Variants in SLC28A3 observed in about 807,000 individuals in gnomAD.
SLC28A3 encodes concentrative Na(+)-nucleoside cotransporter 3.
Under a neutral mutation model 84.2 loss-of-function variants are expected in SLC28A3, and 68 were observed. The observed-to-expected ratio is 0.81, with a 90% CI of 0.66 to 0.99. SLC28A3 has a LOEUF of 0.99. Ranked by LOEUF, SLC28A3 falls within the 50% of genes least tolerant of loss-of-function variation. The probability of loss-of-function intolerance (pLI) is 0.00; values close to 1 mark genes in which losing one functional copy is unlikely to be tolerated. For missense variants in SLC28A3, 712 were observed against 841.5 expected (o/e 0.85, Z 1.90); for synonymous variants, 267 against 303.6 (o/e 0.88, Z 1.25).
rs748218958 is a variant in SLC28A3 at position 84,285,958 on chromosome 9, TG to T, written c.1433del (p.Pro478HisfsTer3). The stretch of plus-strand genomic sequence containing the variant: ...GTGATTATACCTCAAAACTCAGCTG[TG>T]GGTAGTCAAACATGTTTCCAAACCA... ...LSWFGNMFDY[P>X]QLSFELICSY... On this transcript the variant is annotated frameshift_variant, in exon 13 of 18. Coordinates refer to ENST00000376238, the MANE Select transcript of SLC28A3 (RefSeq NM_001199633.2). LOFTEE classifies it high-confidence loss of function. 5.0e-6 allele frequency: 8 copies of T among 1,613,604 alleles called. No homozygotes were observed. The highest frequency in any genetic ancestry group is 5.1e-6 in the Non-Finnish European group (6 of 1,179,868).
At chr9:84,315,065 C>T (rs976346437) in intron 1 of SLC28A3, among the ~76,000 whole-genome samples, 14 of 151,686 alleles carry the variant, frequency 9.2e-5, no homozygotes, top group Admixed American at 9.2e-4. Context: ...GGCGACAGAG[C>T]GAGACTCAGT....
rs747922507 is a variant in SLC28A3 at position 84,290,283 on chromosome 9, G to C, written c.1024-4C>G. The C allele has an allele frequency of 1.1e-5, 17 of 1,613,628 alleles. No homozygotes were observed. Among genetic ancestry groups the C allele is most frequent in the Non-Finnish European group, 1.4e-5 (16 of 1,179,796 alleles). On this transcript the variant is annotated splice_polypyrimidine_tract_variant and splice_region_variant and intron_variant, in intron 10 of 17. Coordinates refer to ENST00000376238, the MANE Select transcript of SLC28A3 (RefSeq NM_001199633.2). ...GGACCAGCAGTGGAGACTCCGTCTG[G>C]AGACAAAGAAGGGTGACCAGATTCC...
the SLC28A3 span, among the ~76,000 whole-genome samples, chr9:84,350,667 A>G: frequency 5.3e-4 from 81 of 152,104 alleles, no homozygotes; most frequent in Admixed American, 5.2e-3. Flanking sequence ...GTTACACCAA[A>G]TTTATTTAAA....
At chr9:84,296,478 C>A (rs944680264) in intron 8 of SLC28A3, among the ~76,000 whole-genome samples, 1 of 152,128 alleles carries the variant, frequency 6.6e-6, no homozygotes, top group African/African-American at 2.4e-5. Context: ...GTATGAATAA[C>A]AACACACCAC....
chr9:84,333,832 CT>C (rs1332780545), intron 1 of SLC28A3, among the ~76,000 whole-genome samples: 3 of 152,228 alleles, frequency 2.0e-5, no homozygotes, highest in African/African-American at 7.2e-5. Flanking sequence ...GATACTCCCC[CT>C]GGCATGGATA....
intron 10 of SLC28A3, 119 bp from the exon 11 acceptor site, chr9:84,290,398 A>C: frequency 8.0e-7 from 1 of 1,247,212 alleles, no homozygotes; most frequent in Non-Finnish European, 1.1e-6. Flanking sequence ...AGTGAACCTC[A>C]GACCAGCTCC....
At chr9:84,283,599 A>T (rs1452907071) in intron 14 of SLC28A3, among the ~76,000 whole-genome samples, 1 of 152,214 alleles carries the variant, frequency 6.6e-6, no homozygotes, top group Non-Finnish European at 1.5e-5. Context: ...TTTGAATTCT[A>T]TACTATGGTA....
chr9:84,317,559 C>T (rs1345661262), intron 1 of SLC28A3, among the ~76,000 whole-genome samples: 1 of 152,180 alleles, frequency 6.6e-6, no homozygotes, highest in Non-Finnish European at 1.5e-5. Context: ...ATCACACAGC[C>T]TGGCTTCCAT....
intron 12 of SLC28A3, 109 bp from the exon 13 acceptor site, chr9:84,286,220 G>A (rs937635656): frequency 2.4e-5 from 25 of 1,046,648 alleles, no homozygotes; most frequent in Non-Finnish European, 3.4e-5. Flanking sequence ...AAACTCTAAG[G>A]CCCCTGCCTT....
At chr9:84,343,489 G>A (rs1333147183), upstream of SLC28A3, among the ~76,000 whole-genome samples, 1 of 151,970 alleles carries the variant, frequency 6.6e-6, no homozygotes, top group East Asian at 1.9e-4. Flanking sequence ...GCAGGAACCT[G>A]TGGTCTGGGT....
the SLC28A3 span, among the ~76,000 whole-genome samples, chr9:84,364,319 C>T: frequency 2.0e-5 from 3 of 151,990 alleles, no homozygotes; most frequent in Non-Finnish European, 2.9e-5. Flanking sequence ...GATGGGGTTT[C>T]GCCGTGTTGG....
intron 1 of SLC28A3, among the ~76,000 whole-genome samples, chr9:84,317,416 C>T (rs760452507): frequency 2.6e-5 from 4 of 152,202 alleles, no homozygotes; most frequent in Non-Finnish European, 5.9e-5. Context: ...TAGTGGTCTT[C>T]CTGCCCTGTA....
chr9:84,362,174 G>GA, the SLC28A3 span, among the ~76,000 whole-genome samples: 1 of 152,102 alleles, frequency 6.6e-6, no homozygotes, highest in African/African-American at 2.4e-5. Flanking sequence ...TCTAGAGTTC[G>GA]AACTTTAACA....
At chr9:84,343,817 T>A (rs1827208129), upstream of SLC28A3, among the ~76,000 whole-genome samples, 1 of 152,176 alleles carries the variant, frequency 6.6e-6, no homozygotes, top group East Asian at 1.9e-4. Context: ...AAATATCCAC[T>A]ACCTGGCTGA....
intron 15 of SLC28A3, 99 bp from the exon 16 acceptor site, chr9:84,280,172 G>GA: frequency 8.0e-6 from 8 of 1,003,502 alleles, no homozygotes; most frequent in Admixed American, 2.9e-5. Context: ...CAGGTCAGCT[G>GA]ACTTTTTTTT....
chr9:84,340,100 G>A (rs1192857756), intron 1 of SLC28A3, among the ~76,000 whole-genome samples: 4 of 152,180 alleles, frequency 2.6e-5, no homozygotes, highest in African/African-American at 9.6e-5. Flanking sequence ...TAATCACTCA[G>A]TGAGTTTTGG....
the SLC28A3 span, among the ~76,000 whole-genome samples, chr9:84,355,892 C>T: frequency 6.6e-6 from 1 of 152,146 alleles, no homozygotes; most frequent in Non-Finnish European, 1.5e-5. Flanking sequence ...TGGCTCACTG[C>T]AGCCTTGACC....
In SLC28A3 at chr9:84,276,597, C is replaced by CAA. The variant is rs776819104; in HGVS notation, c.*1619_*1620dup. ...ACATTGAGAATGGGGGGAAAACATG[C>CAA]AAATATATTTTCCTAAAATAAAGTC... is the stretch of plus-strand genomic sequence containing the variant. On this transcript the variant is annotated 3_prime_UTR_variant, in exon 18 of 18. Transcript: ENST00000376238. 1.3e-5 allele frequency: 2 copies of CAA among 152,056 alleles called. No individual in the cohort carries two copies. Among genetic ancestry groups the CAA allele is most frequent in the Non-Finnish European group, 2.9e-5 (2 of 68,004 alleles). The allele number at this position is 152,056 out of a possible 1,614,324, so 9.4% of individuals were successfully genotyped here. A position where few individuals can be genotyped will look rare whatever the true frequency, so the allele number is the denominator to read the frequency against.
intron 15 of SLC28A3, 84 bp from the exon 16 acceptor site, chr9:84,280,157 G>A: frequency 7.6e-7 from 1 of 1,319,284 alleles, no homozygotes; most frequent in Non-Finnish European, 1.0e-6. Flanking sequence ...TTCTGAGGCT[G>A]GGCTCAGGTC....
Sources: allele counts gnomAD v4.1 joint callset (sites outside exome capture counted in the v4.1 genomes callset), GRCh38; gene constraint gnomAD v4.1.1; transcripts MANE v1.5; gene names NCBI Gene and HGNC (gene_info 2026-07-23, HGNC 2026-07-21).